Variants in RPS6KC1 observed in about 807,000 individuals in gnomAD.
RPS6KC1 encodes the protein inactive ribosomal protein S6 kinase delta-1.
A neutral mutation model predicts 103.8 loss-of-function variants in RPS6KC1; 54 were observed. The ratio of observed to expected loss-of-function variants is 0.52; its 90% CI spans 0.42 to 0.65. RPS6KC1 has a LOEUF of 0.65. Ranked by LOEUF, RPS6KC1 falls within the 30% of genes least tolerant of loss-of-function variation. The probability of loss-of-function intolerance (pLI) is 0.00; values close to 1 mark genes in which losing one functional copy is unlikely to be tolerated. For missense variants in RPS6KC1, 1,151 were observed against 1,253.8 expected (o/e 0.92, Z 1.24); for synonymous variants, 439 against 438.7 (o/e 1.00, Z -0.01).
At chr1:213,860,116 G>C in the RPS6KC1 span, among the ~76,000 whole-genome samples, 3 of 150,716 alleles carry the variant, frequency 2.0e-5, no homozygotes, top group Admixed American at 2.0e-4. Flanking sequence ...TATATATTCA[G>C]ATATATATAC....
At chr1:213,597,806 G>C in the RPS6KC1 span, among the ~76,000 whole-genome samples, 1 of 152,186 alleles carries the variant, frequency 6.6e-6, no homozygotes, top group Non-Finnish European at 1.5e-5. Context: ...TGTTAGGAAA[G>C]ATACTCATAG....
intron 6 of RPS6KC1, among the ~76,000 whole-genome samples, chr1:213,166,593 C>T (rs1290088405): frequency 1.3e-5 from 2 of 151,858 alleles, no homozygotes; most frequent in Non-Finnish European, 2.9e-5. Flanking sequence ...GTAGATGGTT[C>T]CACAGTTAAA....
At chr1:213,810,776 A>T in the RPS6KC1 span, among the ~76,000 whole-genome samples, 1 of 152,224 alleles carries the variant, frequency 6.6e-6, no homozygotes, top group East Asian at 1.9e-4. Flanking sequence ...TTAATTCATT[A>T]TTGATGTAAT....
the RPS6KC1 span, among the ~76,000 whole-genome samples, chr1:213,650,607 T>C: frequency 2.6e-4 from 39 of 152,294 alleles, no homozygotes; most frequent in African/African-American, 9.1e-4. Flanking sequence ...CAGCTACAGA[T>C]GAACGGAAAC....
At chr1:213,475,637 G>C in the RPS6KC1 span, among the ~76,000 whole-genome samples, 1 of 152,088 alleles carries the variant, frequency 6.6e-6, no homozygotes, top group South Asian at 2.1e-4. Context: ...AGTCTCTTCG[G>C]GGGCCCCCAA....
the RPS6KC1 span, among the ~76,000 whole-genome samples, chr1:213,752,845 T>G: frequency 1.3e-5 from 2 of 151,606 alleles, no homozygotes. Flanking sequence ...TCTGTCCACT[T>G]AGACTCCTTC....
chr1:213,425,431 A>G, the RPS6KC1 span, among the ~76,000 whole-genome samples: 2 of 152,246 alleles, frequency 1.3e-5, no homozygotes, highest in Admixed American at 1.3e-4. Flanking sequence ...GAGAGATACA[A>G]TAATCTGCAA....
At position 213,185,986 on chromosome 1, in the gene RPS6KC1, CA is replaced by C. The variant is rs549763471; in HGVS notation, c.1044+9505del. Among the ~76,000 whole-genome samples, 727 of 140,314 alleles carry C rather than the reference CA, an allele frequency of 5.2e-3. 6 individuals are homozygous for C. Among genetic ancestry groups the C allele is most frequent in the African/African-American group, 0.016 (617 of 38,420 alleles). 92.1% of individuals were successfully genotyped at this position (140,314 alleles called of 152,430 possible). A position where few individuals can be genotyped will look rare whatever the true frequency, so the allele number is the denominator to read the frequency against. On this transcript the variant is annotated intron_variant, in intron 8 of 14. Coordinates refer to ENST00000366960, the MANE Select transcript of RPS6KC1 (RefSeq NM_012424.6). ...CAAATAATAAGAATAGAAACAAAGG[CA>C]AAAAAAAAAACTACACAAAAATAAT... is the stretch of plus-strand genomic sequence containing the variant.
the RPS6KC1 span, among the ~76,000 whole-genome samples, chr1:213,611,496 C>T: frequency 7.2e-5 from 11 of 152,140 alleles, no homozygotes; most frequent in African/African-American, 1.2e-4. Context: ...TATTTCCTAA[C>T]GTGTGCTTCT....
At chr1:213,764,729 G>T in the RPS6KC1 span, among the ~76,000 whole-genome samples, 1 of 152,126 alleles carries the variant, frequency 6.6e-6, no homozygotes, top group African/African-American at 2.4e-5. Context: ...CTGGAGTGTT[G>T]GTTCCTCTCA....
At chr1:213,062,547 A>C (rs1382504026) in intron 1 of RPS6KC1, among the ~76,000 whole-genome samples, 1 of 152,090 alleles carries the variant, frequency 6.6e-6, no homozygotes, top group African/African-American at 2.4e-5. Flanking sequence ...TAATCAGATA[A>C]GAGAGTGCTT....
the RPS6KC1 span, among the ~76,000 whole-genome samples, chr1:213,730,953 G>C: frequency 6.6e-6 from 1 of 152,114 alleles, no homozygotes; most frequent in South Asian, 2.1e-4. Context: ...TTTGTATATG[G>C]TATAATGAAG....
At chr1:213,064,132 C>T (rs2078080130) in intron 1 of RPS6KC1, among the ~76,000 whole-genome samples, 3 of 152,246 alleles carry the variant, frequency 2.0e-5, no homozygotes, top group South Asian at 4.1e-4. Flanking sequence ...TCTTGGCTCT[C>T]TGCAACCTCC....
chr1:213,215,253 C>A (rs530002277), intron 8 of RPS6KC1, among the ~76,000 whole-genome samples: 1 of 151,976 alleles, frequency 6.6e-6, no homozygotes, highest in Non-Finnish European at 1.5e-5. Flanking sequence ...GTAGCCGATG[C>A]GATCAACTGG....
the RPS6KC1 span, among the ~76,000 whole-genome samples, chr1:213,294,282 C>T: frequency 6.6e-6 from 1 of 152,076 alleles, no homozygotes. Flanking sequence ...TGAGTTTTGC[C>T]AAGGAGGGTG....
At chr1:213,112,559 A>G (rs373188214) in intron 4 of RPS6KC1, among the ~76,000 whole-genome samples, 10 of 149,142 alleles carry the variant, frequency 6.7e-5, no homozygotes, top group Admixed American at 1.3e-4. Context: ...TTTTATTTTT[A>G]TTTATTTATT....
At chr1:213,510,636 T>G in the RPS6KC1 span, among the ~76,000 whole-genome samples, 2 of 152,240 alleles carry the variant, frequency 1.3e-5, no homozygotes, top group Non-Finnish European at 2.9e-5. Context: ...GAGTCTAGTT[T>G]GATCCTGCAC....
chr1:213,581,121 G>T, the RPS6KC1 span, among the ~76,000 whole-genome samples: 2 of 151,914 alleles, frequency 1.3e-5, no homozygotes, highest in African/African-American at 4.8e-5. Context: ...GTTTCCCATG[G>T]CAGGGCATAG....
the RPS6KC1 span, among the ~76,000 whole-genome samples, chr1:213,644,235 C>T: frequency 6.6e-6 from 1 of 151,906 alleles, no homozygotes; most frequent in Non-Finnish European, 1.5e-5. Flanking sequence ...CAGTTTTATA[C>T]TCACAGAAAA....
Sources: allele counts gnomAD v4.1 joint callset (sites outside exome capture counted in the v4.1 genomes callset), GRCh38; gene constraint gnomAD v4.1.1; transcripts MANE v1.5; gene names NCBI Gene and HGNC (gene_info 2026-07-23, HGNC 2026-07-21).